The following HTR2C variants were observed in gnomAD, a reference collection of about 807,000 sequenced individuals.
HTR2C encodes the protein 5-hydroxytryptamine (serotonin) receptor 2C, G protein-coupled.
HTR2C carries 5 observed loss-of-function variants against 21.0 expected under a neutral mutation model. That is an observed-to-expected ratio of 0.24 (90% CI 0.12 to 0.50). The LOEUF (loss-of-function observed/expected upper bound fraction) is 0.50. Among genes scored for constraint, HTR2C ranks in the 20% least tolerant of loss-of-function variants. The pLI is 0.98. For synonymous variants in HTR2C, 150 were observed against 145.3 expected (o/e 1.03, Z -0.23); for missense variants, 271 against 371.2 (o/e 0.73, Z 2.22).
At chrX:114,842,944 A>C (rs989481535) in intron 4 of HTR2C, among the ~76,000 whole-genome samples, 31 of 111,968 alleles carry the variant, frequency 2.8e-4, no homozygotes, top group African/African-American at 9.4e-4. Context: ...AAAAATCACT[A>C]AACAGTCAAA....
At chrX:114,668,835 C>T (rs1187525172) in intron 2 of HTR2C, among the ~76,000 whole-genome samples, 1 of 110,770 alleles carries the variant, frequency 9.0e-6, no homozygotes, top group African/African-American at 3.3e-5. Context: ...GTGTTAGATA[C>T]TTAGGGCCAA....
At chrX:114,739,574 C>A (rs1220498134) in intron 4 of HTR2C, among the ~76,000 whole-genome samples, 1 of 110,890 alleles carries the variant, frequency 9.0e-6, no homozygotes, top group Non-Finnish European at 1.9e-5. Context: ...ATTAAAAACA[C>A]CCCTAAAAGA....
intron 4 of HTR2C, among the ~76,000 whole-genome samples, chrX:114,756,099 A>T (rs1328472324): frequency 3.6e-5 from 3 of 83,624 alleles, no homozygotes; most frequent in Non-Finnish European, 7.2e-5. Flanking sequence ...ACAGAGCAAG[A>T]CCTTATCTCA....
intron 2 of HTR2C, among the ~76,000 whole-genome samples, chrX:114,718,997 TATATA>T (rs1933093408): frequency 1.3e-3 from 14 of 10,394 alleles, no homozygotes; most frequent in East Asian, 0.048. Context: ...AATAATATAA[TATATA>T]ATAATAATAT....
chrX:114,709,089 A>G (rs1366891149), intron 2 of HTR2C, among the ~76,000 whole-genome samples: 1 of 111,851 alleles, frequency 8.9e-6, no homozygotes, highest in African/African-American at 3.2e-5. Flanking sequence ...CCATAAATGT[A>G]TTCTTCCACC....
At chrX:114,698,697 G>T (rs782289910) in intron 2 of HTR2C, among the ~76,000 whole-genome samples, 1 of 111,883 alleles carries the variant, frequency 8.9e-6, no homozygotes, top group Non-Finnish European at 1.9e-5. Context: ...TAATTTTGAT[G>T]TTCTACAAAA....
chrX:114,789,011 C>T (rs1319264480), intron 4 of HTR2C, among the ~76,000 whole-genome samples: 2 of 111,563 alleles, frequency 1.8e-5, no homozygotes, highest in Non-Finnish European at 3.8e-5. Flanking sequence ...CCTACTTTAA[C>T]TTAAGTTTGG....
At chrX:114,757,269 G>T (rs782102564) in intron 4 of HTR2C, among the ~76,000 whole-genome samples, 14 of 111,030 alleles carry the variant, frequency 1.3e-4, no homozygotes, top group Non-Finnish European at 2.3e-4. Context: ...ATTGTGAAAA[G>T]AAAACCCTAT....
At chrX:114,769,677 A>G (rs782059964) in intron 4 of HTR2C, among the ~76,000 whole-genome samples, 9 of 111,582 alleles carry the variant, frequency 8.1e-5, no homozygotes, top group Non-Finnish European at 1.5e-4. Flanking sequence ...ATGTAGACAT[A>G]TTGCTCCAAT....
At chrX:114,787,327 A>G (rs1310226105) in intron 4 of HTR2C, among the ~76,000 whole-genome samples, 1 of 112,081 alleles carries the variant, frequency 8.9e-6, no homozygotes, top group Non-Finnish European at 1.9e-5. Context: ...ATCAATTTTC[A>G]TGCAGAAAAA....
At chrX:114,874,228 T>C (rs1307207342) in intron 5 of HTR2C, among the ~76,000 whole-genome samples, 1 of 111,053 alleles carries the variant, frequency 9.0e-6, no homozygotes, top group Admixed American at 9.7e-5. Flanking sequence ...TTATTGTAAA[T>C]AGTGCATCAA....
At chrX:114,633,295 G>A (rs1393610415) in intron 2 of HTR2C, among the ~76,000 whole-genome samples, 2 of 111,910 alleles carry the variant, frequency 1.8e-5, no homozygotes, top group African/African-American at 6.5e-5. Context: ...CACTTTTTGT[G>A]ATAAAGACTA....
intron 5 of HTR2C, among the ~76,000 whole-genome samples, chrX:114,873,721 A>G (rs782785707): frequency 1.6e-4 from 18 of 111,818 alleles, no homozygotes; most frequent in Non-Finnish European, 2.4e-4. Context: ...ATAAATGTAT[A>G]GATCATGAAA....
rs1251463277 is a variant in HTR2C, at chrX:114,809,271, C to T, written c.350-38732C>T. On this transcript the variant is annotated intron_variant, in intron 4 of 5. Transcript: ENST00000276198. ...CCAGCAGAGGAATCACTTCCCATGG[C>T]CGCCACCACCCCATGCACGTGACGA... 2.7e-5 allele frequency among the ~76,000 whole-genome samples: 3 copies of T among 110,901 alleles called. No individual in the cohort carries two copies. In the Admixed American group the frequency reaches 2.9e-4, roughly 11 times the overall value.
At chrX:114,687,556 A>C (rs782171995) in intron 2 of HTR2C, among the ~76,000 whole-genome samples, 1 of 112,226 alleles carries the variant, frequency 8.9e-6, no homozygotes, top group African/African-American at 3.2e-5. Context: ...TATTAAGATT[A>C]ATTAAGATTA....
chrX:114,822,965 G>A (rs2070647880), intron 4 of HTR2C, among the ~76,000 whole-genome samples: 1 of 111,733 alleles, frequency 8.9e-6, no homozygotes, highest in African/African-American at 3.3e-5. Context: ...AGGATCTCAT[G>A]ATGCTTCTAG....
chrX:114,759,587 A>G (rs2069845787), intron 4 of HTR2C, among the ~76,000 whole-genome samples: 2 of 112,253 alleles, frequency 1.8e-5, no homozygotes, highest in South Asian at 7.4e-4. Flanking sequence ...AGACCTTGTA[A>G]GTTTAAAATA....
chrX:114,626,250 A>T (rs938421774), intron 2 of HTR2C, among the ~76,000 whole-genome samples: 6 of 108,674 alleles, frequency 5.5e-5, no homozygotes, highest in African/African-American at 1.7e-4. Context: ...TTAGCCAGGC[A>T]TGGTGGCACA....
intron 4 of HTR2C, among the ~76,000 whole-genome samples, chrX:114,806,795 C>T (rs1188107749): frequency 5.4e-5 from 5 of 91,945 alleles, no homozygotes; most frequent in Admixed American, 1.2e-4. Flanking sequence ...ATATATATAC[C>T]ATATATATAC....
Sources: gnomAD v4.1 joint callset for allele counts (sites outside exome capture counted in the v4.1 genomes callset) on GRCh38, gnomAD v4.1.1 for gene constraint, MANE v1.5 for transcripts, NCBI Gene and HGNC (gene_info 2026-07-23, HGNC 2026-07-21) for gene names.